Variants in AGAP1 observed in about 807,000 individuals in gnomAD.
AGAP1 encodes the protein ArfGAP with GTPase domain, ankyrin repeat and PH domain 1.
A neutral mutation model predicts 105.3 loss-of-function variants in AGAP1; 29 were observed. The ratio of observed to expected loss-of-function variants is 0.28; its 90% CI spans 0.21 to 0.38. The LOEUF (loss-of-function observed/expected upper bound fraction) is 0.38, where lower values mean the gene tolerates loss of function less well. Among genes scored for constraint, AGAP1 ranks in the 10% least tolerant of loss-of-function variants. The probability of loss-of-function intolerance (pLI) is 1.00; values close to 1 mark genes in which losing one functional copy is unlikely to be tolerated. For synonymous variants in AGAP1, 509 were observed against 485.9 expected (o/e 1.05, Z -0.63); for missense variants, 998 against 1,165.1 (o/e 0.86, Z 2.09).
At chr2:235,597,042 C>T (rs1404339286) in intron 1 of AGAP1, among the ~76,000 whole-genome samples, 1 of 152,184 alleles carries the variant, frequency 6.6e-6, no homozygotes, top group Non-Finnish European at 1.5e-5. Context: ...GTTGAAGTGC[C>T]TCTGCCGGTG....
intron 1 of AGAP1, among the ~76,000 whole-genome samples, chr2:235,583,415 T>TA (rs201888590): frequency 0.011 from 1,706 of 152,254 alleles, 33 homozygotes; most frequent in African/African-American, 0.037. Context: ...ATGGTGATCT[T>TA]ACCAGAGAAA....
chr2:235,950,450 C>G (rs2053683893), intron 12 of AGAP1, among the ~76,000 whole-genome samples: 1 of 151,854 alleles, frequency 6.6e-6, no homozygotes, highest in South Asian at 2.1e-4. Context: ...GCAGGAGTTG[C>G]AGGAGGAGCA....
Position 236,124,089 on chromosome 2 carries a change from C to A in AGAP1, c.2541C>A (p.Asn847Lys). 1 of 1,614,068 alleles carries A rather than the reference C, an allele frequency of 6.2e-7. No homozygotes were observed. The highest frequency in any genetic ancestry group is 8.5e-7 in the Non-Finnish European group (1 of 1,179,978). ...PNLSRRNNNR[N>K]NSSGRVPTII ...TGTCCAGGAGAAACAATAACCGGAA[C>A]AACAGCAGTGGGAGGGTGCCCACCA... is the stretch of plus-strand genomic sequence containing the variant. The change falls in exon 18 of 18, where the codon AAC becomes AAA. Residue 847 changes from asparagine to lysine, a missense_variant. Transcript: ENST00000304032. The surrounding 1 kb of genome is among the most constrained non-coding windows in gnomAD (Gnocchi z 5.1).
intron 9 of AGAP1, among the ~76,000 whole-genome samples, chr2:235,857,369 A>G (rs2048729533): frequency 6.6e-6 from 1 of 152,196 alleles, no homozygotes; most frequent in South Asian, 2.1e-4. Context: ...ATTGTCTTCC[A>G]GGAAACTGGT....
At position 236,000,033 on chromosome 2, in the gene AGAP1, C is replaced by G. The variant is rs926036187; in HGVS notation, c.1645+31410C>G. The stretch of plus-strand genomic sequence containing the variant: ...AGAAAGAATACGTGAAGGCCAGCTT[C>G]TAGACCAGTGTCCTCACGTGCAGGC... On this transcript the variant is annotated intron_variant, in intron 13 of 17. Coordinates refer to ENST00000304032, the MANE Select transcript of AGAP1 (RefSeq NM_001037131.3). This position sits in a 1 kb window ranked among gnomAD's most constrained non-coding sequence, Gnocchi z 4.3. 6.6e-6 allele frequency among the ~76,000 whole-genome samples: 1 copy of G among 152,148 alleles called. No homozygotes were observed. The highest frequency in any genetic ancestry group is 1.5e-5 in the Non-Finnish European group (1 of 68,040).
At chr2:235,573,043 TTCTTCTTCTTC>T (rs1477424727) in intron 1 of AGAP1, among the ~76,000 whole-genome samples, 621 of 16,058 alleles carry the variant, frequency 0.039, 29 homozygotes, top group East Asian at 0.084. Flanking sequence ...CTTCTTCTTC[TTCTTCTTCTTC>T]TTCTTCTTTC....
chr2:236,107,018 C>G (rs1246199628), intron 16 of AGAP1, among the ~76,000 whole-genome samples: 1 of 152,216 alleles, frequency 6.6e-6, no homozygotes, highest in African/African-American at 2.4e-5. Flanking sequence ...TGGGTAGGGT[C>G]TGGACCTGCT....
intron 13 of AGAP1, among the ~76,000 whole-genome samples, chr2:236,007,411 G>A (rs1026212609): frequency 1.3e-5 from 2 of 152,186 alleles, no homozygotes; most frequent in Middle Eastern, 3.2e-3. Context: ...TACAAAGATG[G>A]CAGATCAAAT....
intron 10 of AGAP1, among the ~76,000 whole-genome samples, chr2:235,886,968 G>A (rs1261756355): frequency 6.6e-6 from 1 of 152,158 alleles, no homozygotes; most frequent in Admixed American, 6.5e-5. Flanking sequence ...GGTTCAAAAT[G>A]GGAAGAGGCA....
rs113611200 is a variant in AGAP1, at chr2:236,009,837, C to T, written c.1646-26724C>T. On this transcript the variant is annotated intron_variant, in intron 13 of 17. Coordinates refer to ENST00000304032, the MANE Select transcript of AGAP1 (RefSeq NM_001037131.3). This position sits in a 1 kb window ranked among gnomAD's most constrained non-coding sequence, Gnocchi z 4.2. ...ACGCGCCTTGGACACACAGCCTCGG[C>T]GCTGCATCATTTTTTAATCAGCTAT... Among the ~76,000 whole-genome samples the T allele has an allele frequency of 6.6e-5, 10 of 152,240 alleles. No individual in the cohort carries two copies. Among genetic ancestry groups the T allele is most frequent in the Non-Finnish European group, 8.8e-5 (6 of 68,024 alleles).
intron 6 of AGAP1, among the ~76,000 whole-genome samples, chr2:235,783,562 T>TG (rs1376275703): frequency 6.6e-6 from 1 of 152,206 alleles, no homozygotes; most frequent in Non-Finnish European, 1.5e-5. Flanking sequence ...GCCAGAGATG[T>TG]GGTTTGAAAA....
At chr2:235,717,042 GCTC>G (rs1237881291) in intron 2 of AGAP1, among the ~76,000 whole-genome samples, 1 of 151,974 alleles carries the variant, frequency 6.6e-6, no homozygotes, top group Non-Finnish European at 1.5e-5. Flanking sequence ...CCCCTGCCTT[GCTC>G]CTCCACCCCC....
intron 9 of AGAP1, among the ~76,000 whole-genome samples, chr2:235,818,774 C>T (rs756029016): frequency 2.6e-5 from 4 of 152,118 alleles, no homozygotes; most frequent in Non-Finnish European, 4.4e-5. Flanking sequence ...GATGGGGTTT[C>T]ACCATGTTAG....
chr2:235,589,546 A>G (rs1945261199), intron 1 of AGAP1, among the ~76,000 whole-genome samples: 1 of 151,918 alleles, frequency 6.6e-6, no homozygotes, highest in Non-Finnish European at 1.5e-5. Context: ...TTCCCATCCA[A>G]CCGAACTTTT....
rs115061691 is a variant in AGAP1 at position 235,874,975 on chromosome 2, A to G, written c.1051-8370A>G. On this transcript the variant is annotated intron_variant, in intron 9 of 17. Transcript: ENST00000304032. This position sits in a 1 kb window ranked among gnomAD's most constrained non-coding sequence, Gnocchi z 4.5. ...ACCTCTTGTGAAGCGGAAGCAAACT[A>G]GAAACAGCTCTCCCAAACGTGGGCA... Among the ~76,000 whole-genome samples the G allele has an allele frequency of 1.7e-3, 266 of 152,326 alleles. No homozygotes were observed. Among genetic ancestry groups the G allele is most frequent in the African/African-American group, 5.9e-3 (244 of 41,580 alleles).
At position 235,971,480 on chromosome 2, in the gene AGAP1, C is replaced by A. The variant is rs181789880; in HGVS notation, c.1645+2857C>A. Among the ~76,000 whole-genome samples the A allele has an allele frequency of 1.0e-3, 152 of 152,192 alleles. No individual in the cohort carries two copies. Among genetic ancestry groups the A allele is most frequent in the African/African-American group, 3.5e-3 (146 of 41,546 alleles). ...CTTTGGGAGGCTGAGGCGGGCGGAT[C>A]ACGAGGTCAGGAGATCGAGACCATC... is the stretch of plus-strand genomic sequence containing the variant. On this transcript the variant is annotated intron_variant, in intron 13 of 17. Coordinates refer to ENST00000304032, the MANE Select transcript of AGAP1 (RefSeq NM_001037131.3). This position sits in a 1 kb window ranked among gnomAD's most constrained non-coding sequence, Gnocchi z 4.8.
In AGAP1 at chr2:235,631,455, G is replaced by T. The variant is rs1026334370; in HGVS notation, c.164-77724G>T. Among the ~76,000 whole-genome samples, 1 of 152,202 alleles carries T rather than the reference G, an allele frequency of 6.6e-6. No homozygotes were observed. Among genetic ancestry groups the T allele is most frequent in the Non-Finnish European group, 1.5e-5 (1 of 68,038 alleles). On this transcript the variant is annotated intron_variant, in intron 1 of 17. Coordinates refer to ENST00000304032, the MANE Select transcript of AGAP1 (RefSeq NM_001037131.3). The surrounding 1 kb of genome is among the most constrained non-coding windows in gnomAD (Gnocchi z 5.4). ...GGTGGGCCATCACTGCTGGTAGAGA[G>T]GGTTTCTGGGTCCCAGGACCGGACT...
At chr2:236,008,287 A>G (rs1576041723) in intron 13 of AGAP1, among the ~76,000 whole-genome samples, 2 of 152,222 alleles carry the variant, frequency 1.3e-5, no homozygotes, top group African/African-American at 2.4e-5. Context: ...GGGGAAGCCC[A>G]GGAGCCATGG....
chr2:235,966,456 C>T (rs1163655682), intron 12 of AGAP1, among the ~76,000 whole-genome samples: 1 of 152,092 alleles, frequency 6.6e-6, no homozygotes, highest in African/African-American at 2.4e-5. Context: ...ATTGATGTTA[C>T]CTCTCACCTA....
Sources: gnomAD v4.1 joint callset for allele counts (sites outside exome capture counted in the v4.1 genomes callset) on GRCh38, gnomAD v4.1.1 for gene constraint, Gnocchi (gnomAD v3.1) non-coding constraint, MANE v1.5 for transcripts, NCBI Gene and HGNC (gene_info 2026-07-23, HGNC 2026-07-21) for gene names.